GALNTL6: variants seen among roughly 807,000 people sequenced by gnomAD.
GALNTL6 encodes polypeptide N-acetylgalactosaminyltransferase-like 6.
GALNTL6 carries 46 observed loss-of-function variants against 73.7 expected under a neutral mutation model. The observed-to-expected ratio is 0.62, with a 90% CI of 0.49 to 0.80. The LOEUF (loss-of-function observed/expected upper bound fraction) is 0.80. GALNTL6 is among the 30% of genes least tolerant of loss of function. GALNTL6 has a pLI of 0.00. For missense variants in GALNTL6, 604 were observed against 755.0 expected (o/e 0.80, Z 2.34); for synonymous variants, 259 against 263.7 (o/e 0.98, Z 0.17).
At chr4:172,876,414 G>T (rs1745196751) in intron 7 of GALNTL6, among the ~76,000 whole-genome samples, 1 of 152,046 alleles carries the variant, frequency 6.6e-6, no homozygotes, top group East Asian at 1.9e-4. Flanking sequence ...CTAAACATTT[G>T]CATTTGCATT....
At chr4:171,856,538 T>C (rs1186105638) in intron 2 of GALNTL6, among the ~76,000 whole-genome samples, 2 of 152,200 alleles carry the variant, frequency 1.3e-5, no homozygotes, top group South Asian at 4.1e-4. Flanking sequence ...AGGAGGTTTA[T>C]GGTTTTGAAT....
intron 5 of GALNTL6, among the ~76,000 whole-genome samples, chr4:172,447,359 G>A (rs1173188300): frequency 6.6e-6 from 1 of 152,102 alleles, no homozygotes; most frequent in African/African-American, 2.4e-5. Flanking sequence ...TCCTGGCTGT[G>A]TGGCTTTGCA....
intron 8 of GALNTL6, among the ~76,000 whole-genome samples, chr4:172,929,753 A>G (rs558473714): frequency 1.3e-5 from 2 of 152,350 alleles, no homozygotes; most frequent in East Asian, 3.9e-4. Context: ...GCCATGGTCC[A>G]GCCAAGTTGA....
At chr4:172,625,679 A>G (rs942743524) in intron 5 of GALNTL6, among the ~76,000 whole-genome samples, 2 of 151,954 alleles carry the variant, frequency 1.3e-5, no homozygotes, top group Middle Eastern at 3.4e-3. Flanking sequence ...AGCCTCACCA[A>G]TGTCTGTTGT....
intron 7 of GALNTL6, among the ~76,000 whole-genome samples, chr4:172,873,811 A>T (rs539610710): frequency 6.6e-6 from 1 of 152,222 alleles, no homozygotes. Flanking sequence ...GTAAACGTAC[A>T]GTATAAATTT....
rs527651604 is a variant in GALNTL6 at position 172,721,286 on chromosome 4, A to G, written c.554-88075A>G. ...TCCACAATGATAACCCTTGGAAACC[A>G]AATACTTGGAAGAAAAGGCAAGGGT... is the stretch of plus-strand genomic sequence containing the variant. On this transcript the variant is annotated intron_variant, in intron 5 of 12. Transcript: ENST00000506823. Among the ~76,000 whole-genome samples the G allele has an allele frequency of 3.3e-5, 5 of 152,336 alleles. No homozygotes were observed. In the South Asian group the frequency reaches 1.0e-3, roughly 32 times the overall value.
In GALNTL6 at chr4:172,263,534, A is replaced by G. The variant is rs889755491; in HGVS notation, c.247+33770A>G. 2.0e-5 allele frequency among the ~76,000 whole-genome samples: 3 copies of G among 151,114 alleles called. No individual in the cohort carries two copies. The Admixed American group carries it at 2.0e-4, about 10-fold the overall frequency. ...TCATCCATATCCTGTATTTTTTTAA[A>G]TTTAAGTTGGCTTTCACCTTTTTAT... is the stretch of plus-strand genomic sequence containing the variant. On this transcript the variant is annotated intron_variant, in intron 3 of 12. Transcript: ENST00000506823.
chr4:171,952,948 A>T (rs1184404945), intron 2 of GALNTL6, among the ~76,000 whole-genome samples: 1 of 152,190 alleles, frequency 6.6e-6, no homozygotes, highest in East Asian at 1.9e-4. Flanking sequence ...AATTAATAAC[A>T]TCATTTAGCA....
At chr4:171,842,134 T>C (rs1341867388) in intron 2 of GALNTL6, among the ~76,000 whole-genome samples, 1 of 152,168 alleles carries the variant, frequency 6.6e-6, no homozygotes, top group Non-Finnish European at 1.5e-5. Flanking sequence ...GTTCCACATG[T>C]CAAGAGAACA....
chr4:172,487,369 T>A (rs1733732239), intron 5 of GALNTL6, among the ~76,000 whole-genome samples: 1 of 146,500 alleles, frequency 6.8e-6, no homozygotes, highest in Non-Finnish European at 1.5e-5. Flanking sequence ...CTTCTTTCCT[T>A]CTTTTCTTTT....
chr4:172,008,685 C>A (rs535379825), intron 2 of GALNTL6, among the ~76,000 whole-genome samples: 17 of 152,212 alleles, frequency 1.1e-4, no homozygotes, highest in Admixed American at 2.0e-4. Context: ...CCTTCAGGCA[C>A]GAATGGGAAT....
intron 4 of GALNTL6, among the ~76,000 whole-genome samples, chr4:172,336,161 A>G (rs1031420920): frequency 6.6e-6 from 1 of 151,928 alleles, no homozygotes; most frequent in African/African-American, 2.4e-5. Flanking sequence ...TTTTTATTTC[A>G]AAGAATTTTG....
chr4:172,514,506 C>A (rs565641069), intron 5 of GALNTL6, among the ~76,000 whole-genome samples: 1 of 152,310 alleles, frequency 6.6e-6, no homozygotes, highest in South Asian at 2.1e-4. Context: ...CTACCAGTCT[C>A]TCTGCCGAGA....
At chr4:171,952,291 G>A (rs1738907983) in intron 2 of GALNTL6, among the ~76,000 whole-genome samples, 1 of 151,918 alleles carries the variant, frequency 6.6e-6, no homozygotes, top group South Asian at 2.1e-4. Flanking sequence ...TAAGCATAAA[G>A]TACATGGAAT....
rs189049315 is a variant in GALNTL6, at chr4:172,687,887, A to G, written c.554-121474A>G. ...GGCTTTTTCTTTAAAAGCAAAATGT[A>G]TGAAATTTATAACCATAAGTAAGCT... On this transcript the variant is annotated intron_variant, in intron 5 of 12. Transcript: ENST00000506823. 2.6e-5 allele frequency among the ~76,000 whole-genome samples: 4 copies of G among 152,322 alleles called. No homozygotes were observed. The East Asian group carries it at 7.7e-4, about 29-fold the overall frequency.
chr4:172,171,187 T>C (rs989138309), intron 2 of GALNTL6, among the ~76,000 whole-genome samples: 4 of 152,196 alleles, frequency 2.6e-5, no homozygotes, highest in African/African-American at 7.2e-5. Context: ...TTCAGAGTTA[T>C]AACCTCACGG....
intron 2 of GALNTL6, among the ~76,000 whole-genome samples, chr4:172,211,800 T>C (rs1350737369): frequency 1.3e-5 from 2 of 152,152 alleles, no homozygotes; most frequent in African/African-American, 4.8e-5. Context: ...TCTTCTCTAG[T>C]CCTCACGTAG....
At chr4:172,728,624 G>A (rs1046378885) in intron 5 of GALNTL6, among the ~76,000 whole-genome samples, 3 of 152,124 alleles carry the variant, frequency 2.0e-5, no homozygotes, top group Admixed American at 6.6e-5. Flanking sequence ...ATTGTGAATA[G>A]TGATTTGGGT....
rs1211487890 is a variant in GALNTL6 at position 171,910,414 on chromosome 4, CT to C, written c.138+95697del. Among the ~76,000 whole-genome samples the C allele has an allele frequency of 5.3e-5, 8 of 151,970 alleles. No homozygotes were observed. In the East Asian group the frequency reaches 1.5e-3, roughly 29 times the overall value. On this transcript the variant is annotated intron_variant, in intron 2 of 12. Transcript: ENST00000506823. ...AAAAAAGACCCAAAACCAATAACAA[CT>C]GTATAATATATAAATTATCCTTATT... is the stretch of plus-strand genomic sequence containing the variant.
Sources: gnomAD v4.1 joint callset for allele counts (sites outside exome capture counted in the v4.1 genomes callset) on GRCh38, gnomAD v4.1.1 for gene constraint, MANE v1.5 for transcripts, NCBI Gene and HGNC (gene_info 2026-07-23, HGNC 2026-07-21) for gene names.